NRG2: variants seen among roughly 807,000 people sequenced by gnomAD.
NRG2 encodes the protein neuregulin 2, also known as pro-neuregulin-2, membrane-bound isoform.
Under a neutral mutation model 73.9 loss-of-function variants are expected in NRG2, and 27 were observed. That is an observed-to-expected ratio of 0.37 (90% CI 0.27 to 0.50). The LOEUF is 0.50. NRG2 is among the 20% of genes least tolerant of loss of function. NRG2 has a pLI of 0.96. For synonymous variants in NRG2, 532 were observed against 541.0 expected (o/e 0.98, Z 0.23); for missense variants, 1,126 against 1,210.1 (o/e 0.93, Z 1.03).
At chr5:139,937,669 G>C (rs1239438091) in intron 1 of NRG2, among the ~76,000 whole-genome samples, 1 of 152,110 alleles carries the variant, frequency 6.6e-6, no homozygotes, top group Non-Finnish European at 1.5e-5. Flanking sequence ...TGATTACCCA[G>C]GGCATAGGGG....
intron 1 of NRG2, among the ~76,000 whole-genome samples, chr5:139,889,001 C>A (rs1764046983): frequency 1.3e-5 from 2 of 152,116 alleles, no homozygotes; most frequent in African/African-American, 4.8e-5. Context: ...AACAGTGTAA[C>A]CCTTTCGCCT....
At chr5:139,883,158 G>A (rs1010579415) in intron 2 of NRG2, among the ~76,000 whole-genome samples, 19 of 152,048 alleles carry the variant, frequency 1.2e-4, no homozygotes, top group Non-Finnish European at 2.2e-4. Flanking sequence ...CTGGCAGGCC[G>A]CGTGCTGTGC....
chr5:140,021,835 C>T (rs183425636), intron 1 of NRG2, among the ~76,000 whole-genome samples: 2 of 152,298 alleles, frequency 1.3e-5, no homozygotes, highest in South Asian at 2.1e-4. Context: ...TTAAGTTCAT[C>T]CTGAAGAATA....
At chr5:140,019,886 G>C (rs1760086363) in intron 1 of NRG2, among the ~76,000 whole-genome samples, 1 of 152,052 alleles carries the variant, frequency 6.6e-6, no homozygotes, top group African/African-American at 2.4e-5. Context: ...CAAGTAGCTG[G>C]GATTACAGGC....
At chr5:139,880,830 C>T (rs1206379840) in intron 3 of NRG2, 26 bp downstream of exon 3, 1 of 1,598,248 alleles carries the variant, frequency 6.3e-7, no homozygotes, top group Admixed American at 1.7e-5. Context: ...CCTCTAGGAC[C>T]CTTCCCTCTG....
chr5:139,948,175 C>T (rs1753936118), intron 1 of NRG2, among the ~76,000 whole-genome samples: 1 of 152,088 alleles, frequency 6.6e-6, no homozygotes, highest in Non-Finnish European at 1.5e-5. Flanking sequence ...TGGCATTTGT[C>T]TTTTTGTGAC....
intron 2 of NRG2, among the ~76,000 whole-genome samples, chr5:139,884,177 T>C (rs1279236414): frequency 1.3e-5 from 2 of 152,172 alleles, no homozygotes; most frequent in African/African-American, 4.8e-5. Context: ...GGCTCTCTCA[T>C]GCTGGAAGGA....
chr5:139,864,782 A>G (rs1022985603), intron 5 of NRG2, among the ~76,000 whole-genome samples: 10 of 150,880 alleles, frequency 6.6e-5, no homozygotes, highest in Non-Finnish European at 1.3e-4. Flanking sequence ...ACACACACTC[A>G]CTGCCAGACC....
Position 140,028,766 on chromosome 5 carries a change from C to T in NRG2, c.700+13604G>A, listed in dbSNP as rs753581474. 1.3e-3 allele frequency among the ~76,000 whole-genome samples: 200 copies of T among 152,258 alleles called. 1 individual carries two copies. The highest frequency in any genetic ancestry group is 3.4e-3 in the Middle Eastern group (1 of 292). On this transcript the variant is annotated intron_variant, in intron 1 of 9. Coordinates refer to ENST00000361474, the MANE Select transcript of NRG2 (RefSeq NM_004883.3). Reference sequence around the variant, plus strand: ...CCAAAAGGTGGTGTGTAATTCTCCTCCCCTTGAATCTGGTCAGGTCTTAGT... The same window carrying T: ...CCAAAAGGTGGTGTGTAATTCTCCTTCCCTTGAATCTGGTCAGGTCTTAGT...
chr5:139,960,958 G>A (rs1459077673), intron 1 of NRG2, among the ~76,000 whole-genome samples: 1 of 152,156 alleles, frequency 6.6e-6, no homozygotes, highest in Non-Finnish European at 1.5e-5. Context: ...CTCTGAAGAA[G>A]CTGCCAGGCT....
intron 1 of NRG2, among the ~76,000 whole-genome samples, chr5:139,919,592 T>G (rs1751513688): frequency 6.6e-6 from 1 of 152,048 alleles, no homozygotes; most frequent in South Asian, 2.1e-4. Context: ...CTAAAGATAG[T>G]AGAGGATACA....
chr5:139,964,357 T>TACACACAC (rs71574473), intron 1 of NRG2, among the ~76,000 whole-genome samples: 196 of 142,834 alleles, frequency 1.4e-3, no homozygotes, highest in Non-Finnish European at 2.4e-3. Context: ...GAAATACAGA[T>TACACACAC]ACACACACAC....
At chr5:139,944,300 T>C (rs1753636572) in intron 1 of NRG2, among the ~76,000 whole-genome samples, 1 of 152,180 alleles carries the variant, frequency 6.6e-6, no homozygotes, top group Non-Finnish European at 1.5e-5. Context: ...TGAAACTATA[T>C]ATTATTATTA....
chr5:139,972,672 C>T (rs139087370), intron 1 of NRG2, among the ~76,000 whole-genome samples: 2,409 of 152,220 alleles, frequency 0.016, 55 homozygotes, highest in African/African-American at 0.055. Context: ...CACAGTGAGC[C>T]GAGATTGCAC....
intron 3 of NRG2, among the ~76,000 whole-genome samples, chr5:139,878,923 A>T (rs938832034): frequency 2.0e-5 from 3 of 152,178 alleles, no homozygotes; most frequent in Non-Finnish European, 4.4e-5. Context: ...TTTACCAGGC[A>T]CCCACTGTGA....
intron 1 of NRG2, among the ~76,000 whole-genome samples, chr5:139,937,170 G>A (rs1187548299): frequency 6.6e-6 from 1 of 152,188 alleles, no homozygotes; most frequent in Non-Finnish European, 1.5e-5. Context: ...TCTCAGGACT[G>A]CAAGATTAAT....
At chr5:140,035,924 G>C (rs1761471123) in intron 1 of NRG2, among the ~76,000 whole-genome samples, 1 of 152,206 alleles carries the variant, frequency 6.6e-6, no homozygotes, top group African/African-American at 2.4e-5. Context: ...TTGGAGGTCT[G>C]CGTTGCTTGC....
intron 1 of NRG2, among the ~76,000 whole-genome samples, chr5:139,910,198 C>A (rs1043007675): frequency 2.6e-5 from 4 of 152,134 alleles, no homozygotes; most frequent in Non-Finnish European, 4.4e-5. Flanking sequence ...TCAGCCAACC[C>A]GGAAAGCCTG....
intron 1 of NRG2, among the ~76,000 whole-genome samples, chr5:140,033,692 C>T (rs1050591794): frequency 2.6e-4 from 39 of 152,340 alleles, no homozygotes; most frequent in African/African-American, 9.4e-4. Context: ...GGGTGAAAAA[C>T]ATAGTTGTTC....
Sources: allele counts gnomAD v4.1 joint callset (sites outside exome capture counted in the v4.1 genomes callset), GRCh38; gene constraint gnomAD v4.1.1; transcripts MANE v1.5; gene names NCBI Gene and HGNC (gene_info 2026-07-23, HGNC 2026-07-21).